Variants in RARS2 observed in about 807,000 individuals in gnomAD.
The protein encoded by RARS2 is probable arginine--tRNA ligase, mitochondrial.
Under a neutral mutation model 88.5 loss-of-function variants are expected in RARS2, and 67 were observed. The observed-to-expected ratio is 0.76, with a 90% CI of 0.62 to 0.93. RARS2 has a LOEUF of 0.93. Ranked by LOEUF, RARS2 falls within the 40% of genes least tolerant of loss-of-function variation. The pLI is 0.00. For missense variants in RARS2, 664 were observed against 684.2 expected, an observed-to-expected ratio of 0.97 and a Z score of 0.33; for synonymous variants, 239 against 230.3, an observed-to-expected ratio of 1.04 and a Z score of -0.34.
intron 1 of RARS2, among the ~76,000 whole-genome samples, chr6:87,578,958 CA>C (rs72383675): frequency 1.7e-3 from 70 of 41,878 alleles, no homozygotes; most frequent in Non-Finnish European, 2.2e-3. Flanking sequence ...GAGACTGTCT[CA>C]AAAAAAAAAA....
At chr6:87,565,084 A>T (rs1767471796) in intron 2 of RARS2, among the ~76,000 whole-genome samples, 1 of 152,142 alleles carries the variant, frequency 6.6e-6, no homozygotes, top group South Asian at 2.1e-4. Flanking sequence ...TATACTAGCC[A>T]CCTTATTTTA....
At chr6:87,566,162 T>C (rs1302413464) in intron 2 of RARS2, among the ~76,000 whole-genome samples, 3 of 152,104 alleles carry the variant, frequency 2.0e-5, no homozygotes, top group Non-Finnish European at 2.9e-5. Flanking sequence ...AAAAAATTTA[T>C]ATTAAAAAAT....
In RARS2 at chr6:87,542,031, T is replaced by G. The variant is rs773189748; in HGVS notation, c.536-37A>C. 25 of 1,516,292 alleles carry G rather than the reference T, an allele frequency of 1.6e-5. 1 individual carries two copies. In the South Asian group the frequency reaches 2.4e-4, roughly 14 times the overall value. 93.9% of individuals were successfully genotyped at this position (1,516,292 alleles called of 1,614,324 possible). ...ATCCGTAAATGAAAAATTATAAAGTTGAACAACAGAGAATAGGCATGACAG... is the reference window on the plus strand; with the variant it reads ...ATCCGTAAATGAAAAATTATAAAGTGGAACAACAGAGAATAGGCATGACAG... On this transcript the variant is annotated intron_variant, in intron 7 of 19. Coordinates refer to ENST00000369536, the MANE Select transcript of RARS2 (RefSeq NM_020320.5).
At chr6:87,558,641 C>A (rs1019712078) in intron 4 of RARS2, among the ~76,000 whole-genome samples, 12 of 152,286 alleles carry the variant, frequency 7.9e-5, no homozygotes, top group Admixed American at 5.2e-4. Flanking sequence ...TGCAGCAGGT[C>A]ATAATGCCTA....
At chr6:87,527,491 G>T (rs1470822104) in intron 10 of RARS2, among the ~76,000 whole-genome samples, 1 of 152,110 alleles carries the variant, frequency 6.6e-6, no homozygotes, top group African/African-American at 2.4e-5. Context: ...CTGAAGCCTT[G>T]GCAAAGATTT....
chr6:87,580,057 T>A (rs1271504727), intron 1 of RARS2, among the ~76,000 whole-genome samples: 1 of 152,156 alleles, frequency 6.6e-6, no homozygotes, highest in Non-Finnish European at 1.5e-5. Context: ...GGTTTTAAGT[T>A]CACTTGTATT....
intron 7 of RARS2, among the ~76,000 whole-genome samples, chr6:87,543,471 G>A (rs1000792567): frequency 7.3e-5 from 11 of 150,710 alleles, no homozygotes; most frequent in Non-Finnish European, 1.5e-4. Flanking sequence ...GCAAAACCCT[G>A]TCTCTACTAA....
intron 12 of RARS2, 49 bp downstream of exon 12, chr6:87,521,415 G>C: frequency 7.2e-7 from 1 of 1,388,226 alleles, no homozygotes; most frequent in Non-Finnish European, 1.0e-6. Context: ...TTCTACCTCT[G>C]TAGTTTTCAT....
rs189928121 is a variant in RARS2, at chr6:87,542,045, T to A, written c.536-51A>T. On this transcript the variant is annotated intron_variant, in intron 7 of 19. Coordinates refer to ENST00000369536, the MANE Select transcript of RARS2 (RefSeq NM_020320.5). ...AATTATAAAGTTGAACAACAGAGAATAGGCATGACAGGGAATAGGTATAAT... is the reference window on the plus strand; with the variant it reads ...AATTATAAAGTTGAACAACAGAGAAAAGGCATGACAGGGAATAGGTATAAT... 129 of 1,374,910 alleles carry A rather than the reference T, an allele frequency of 9.4e-5. No individual in the cohort carries two copies. The East Asian group carries it at 2.5e-3, about 26-fold the overall frequency. 85.2% of individuals were successfully genotyped at this position (1,374,910 alleles called of 1,614,324 possible). A position where few individuals can be genotyped will look rare whatever the true frequency, so the allele number is the denominator to read the frequency against.
intron 16 of RARS2, 59 bp from the exon 17 acceptor site, chr6:87,518,323 G>A: frequency 1.9e-6 from 3 of 1,611,996 alleles, no homozygotes; most frequent in Non-Finnish European, 2.5e-6. Context: ...CAAGGGCACA[G>A]AGCTGCAAGT....
In RARS2 at chr6:87,530,458, C is replaced by T. The variant is rs1236443553; in HGVS notation, c.771+326G>A. ...ATTCGCTGTTGTGTATTATCCCCTACCCACCAAATGTTTATTAAATGAATC... is the reference window on the plus strand; with the variant it reads ...ATTCGCTGTTGTGTATTATCCCCTATCCACCAAATGTTTATTAAATGAATC... On this transcript the variant is annotated intron_variant, in intron 9 of 19. Coordinates refer to ENST00000369536, the MANE Select transcript of RARS2 (RefSeq NM_020320.5). Among the ~76,000 whole-genome samples the T allele has an allele frequency of 3.9e-5, 6 of 152,276 alleles. No individual in the cohort carries two copies. In the South Asian group the frequency reaches 1.0e-3, roughly 26 times the overall value.
intron 14 of RARS2, chr6:87,519,206 G>GTATATATATATA (rs1351648306): frequency 1.5e-5 from 4 of 272,162 alleles, no homozygotes; most frequent in African/African-American, 1.0e-4. Context: ...GTGTGTGTGT[G>GTATATATATATA]TGTATATATA....
intron 1 of RARS2, among the ~76,000 whole-genome samples, chr6:87,588,487 T>C (rs1189171537): frequency 6.6e-6 from 1 of 152,132 alleles, no homozygotes; most frequent in Non-Finnish European, 1.5e-5. Flanking sequence ...TCCTCCAGAC[T>C]CAGCCTTTCA....
At chr6:87,536,012 A>T (rs906281653) in intron 8 of RARS2, among the ~76,000 whole-genome samples, 17 of 152,188 alleles carry the variant, frequency 1.1e-4, no homozygotes, top group Admixed American at 2.0e-4. Context: ...TGTCAGTGCT[A>T]GGATACAGGC....
chr6:87,559,392 G>C (rs966692952), intron 4 of RARS2, among the ~76,000 whole-genome samples: 5 of 150,614 alleles, frequency 3.3e-5, no homozygotes, highest in African/African-American at 7.3e-5. Flanking sequence ...GCTTGAACCT[G>C]GGGGGCGGAG....
chr6:87,574,686 C>A (rs1405058714), intron 1 of RARS2, among the ~76,000 whole-genome samples: 2 of 151,866 alleles, frequency 1.3e-5, no homozygotes, highest in African/African-American at 4.8e-5. Context: ...CCAATGAATA[C>A]GAAGAACATT....
intron 17 of RARS2, 141 bp downstream of exon 17, chr6:87,518,028 T>A (rs1205291421): frequency 6.6e-7 from 1 of 1,508,410 alleles, no homozygotes; most frequent in Non-Finnish European, 9.0e-7. Flanking sequence ...ATGCAAATAA[T>A]CACTTTTTAA....
intron 4 of RARS2, among the ~76,000 whole-genome samples, chr6:87,559,463 CAAAAAAAAAAAAAAA>C (rs753856335): frequency 8.6e-5 from 8 of 93,270 alleles, no homozygotes; most frequent in East Asian, 3.4e-4. Flanking sequence ...AACTCTGTCT[CAAAAAAAAAAAAAAA>C]AAAAAAAAAA....
intron 7 of RARS2, among the ~76,000 whole-genome samples, chr6:87,544,104 AACGAAATC>A (rs1781868916): frequency 6.6e-6 from 1 of 152,246 alleles, no homozygotes; most frequent in Non-Finnish European, 1.5e-5. Context: ...AAACTGCTGT[AACGAAATC>A]CTGCAGCTAA....
Sources: allele counts gnomAD v4.1 joint callset (sites outside exome capture counted in the v4.1 genomes callset), GRCh38; gene constraint gnomAD v4.1.1; transcripts MANE v1.5; gene names NCBI Gene and HGNC (gene_info 2026-07-23, HGNC 2026-07-21).